Variants in PCCA observed in about 807,000 individuals in gnomAD.
PCCA encodes the protein propionyl-CoA carboxylase alpha chain, mitochondrial.
PCCA carries 74 observed loss-of-function variants against 101.3 expected under a neutral mutation model. The ratio of observed to expected loss-of-function variants is 0.73; its 90% confidence interval spans 0.61 to 0.89. PCCA has a LOEUF of 0.89. Among genes scored for constraint, PCCA ranks in the 40% least tolerant of loss-of-function variants. PCCA has a pLI of 0.00. For synonymous variants in PCCA, 294 were observed against 313.6 expected (o/e 0.94, Z 0.66); for missense variants, 891 against 907.0 (o/e 0.98, Z 0.23).
intron 9 of PCCA, among the ~76,000 whole-genome samples, chr13:100,259,613 G>A (rs533252976): frequency 1.3e-5 from 2 of 151,986 alleles, no homozygotes; most frequent in Admixed American, 6.6e-5. Flanking sequence ...GATTACAGGC[G>A]TGCACCACTG....
rs539200066 is a variant in PCCA, at chr13:100,461,104, T to C, written c.1899+11799T>C. 3.5e-4 allele frequency among the ~76,000 whole-genome samples: 54 copies of C among 152,340 alleles called. 1 individual carries two copies. The highest frequency in any genetic ancestry group is 1.0e-3 in the South Asian group (5 of 4,830). On this transcript the variant is annotated intron_variant, in intron 21 of 23. Transcript: ENST00000376285. ...AATATGACAGCAAGACACAAATAAC[T>C]GTTTCTAATAATATCAGATGGAGTT...
chr13:100,235,714 G>A (rs1042823915), intron 7 of PCCA, 128 bp from the exon 8 acceptor site: 5 of 713,726 alleles, frequency 7.0e-6, no homozygotes, highest in Non-Finnish European at 1.3e-5. Flanking sequence ...GAATGAAAAG[G>A]GTTAGAAGGT....
At chr13:100,527,167 AC>A (rs1411679836) in intron 22 of PCCA, 5 of 386,110 alleles carry the variant, frequency 1.3e-5, no homozygotes, top group Admixed American at 3.0e-5. Flanking sequence ...TTTAACGTGT[AC>A]GATTCGGTGG....
chr13:100,463,909 A>G (rs992455101), intron 21 of PCCA, among the ~76,000 whole-genome samples: 7 of 152,336 alleles, frequency 4.6e-5, no homozygotes, highest in African/African-American at 1.7e-4. Context: ...ATCCTAGGGT[A>G]TCACTAAGTT....
intron 2 of PCCA, among the ~76,000 whole-genome samples, chr13:100,109,691 GT>G (rs1198214162): frequency 6.6e-6 from 1 of 152,198 alleles, no homozygotes; most frequent in Non-Finnish European, 1.5e-5. Flanking sequence ...GTGGCTTCGA[GT>G]TTTATCACAT....
At chr13:100,337,080 A>G (rs1306168892) in intron 17 of PCCA, among the ~76,000 whole-genome samples, 1 of 152,134 alleles carries the variant, frequency 6.6e-6, no homozygotes, top group Non-Finnish European at 1.5e-5. Flanking sequence ...CACACTCGCT[A>G]AAAGGGGTAG....
chr13:100,255,096 C>G (rs2061992734), intron 8 of PCCA, among the ~76,000 whole-genome samples: 1 of 151,942 alleles, frequency 6.6e-6, no homozygotes, highest in African/African-American at 2.4e-5. Flanking sequence ...AAAAGCTAGT[C>G]TAACTTGCAT....
chr13:100,238,316 C>G (rs2060929497), intron 8 of PCCA, among the ~76,000 whole-genome samples: 1 of 152,180 alleles, frequency 6.6e-6, no homozygotes, highest in Non-Finnish European at 1.5e-5. Context: ...AACTAGTTCT[C>G]ATCACTTTGC....
intron 21 of PCCA, among the ~76,000 whole-genome samples, chr13:100,506,638 C>A (rs2086099794): frequency 6.6e-6 from 1 of 152,172 alleles, no homozygotes; most frequent in Admixed American, 6.6e-5. Context: ...CACATTAGAA[C>A]ACTTCCCAGG....
intron 19 of PCCA, among the ~76,000 whole-genome samples, chr13:100,391,740 T>G: frequency 6.6e-6 from 1 of 152,360 alleles, no homozygotes. Flanking sequence ...ATACTATTGA[T>G]CAACACGTTT....
chr13:100,329,452 A>G (rs2069208817), intron 16 of PCCA, among the ~76,000 whole-genome samples: 1 of 152,112 alleles, frequency 6.6e-6, no homozygotes, highest in Non-Finnish European at 1.5e-5. Context: ...AGTTGATAAC[A>G]ACCAATTGAG....
intron 22 of PCCA, among the ~76,000 whole-genome samples, chr13:100,525,686 A>G (rs1451078971): frequency 6.6e-6 from 1 of 152,120 alleles, no homozygotes; most frequent in Non-Finnish European, 1.5e-5. Flanking sequence ...ATGGGAGGGG[A>G]CGTGTGGTGG....
At chr13:100,110,088 G>A (rs139794592) in intron 2 of PCCA, among the ~76,000 whole-genome samples, 2,133 of 152,168 alleles carry the variant, frequency 0.014, 51 homozygotes, top group African/African-American at 0.049. Flanking sequence ...AGCTGAGATC[G>A]TACCACTGCA....
intron 19 of PCCA, among the ~76,000 whole-genome samples, chr13:100,404,387 T>A (rs2077547193): frequency 1.3e-5 from 2 of 152,150 alleles, no homozygotes; most frequent in Non-Finnish European, 2.9e-5. Context: ...GCTTGGAGGA[T>A]GCATCTGAGG....
chr13:100,448,898 T>C (rs1756759917), intron 20 of PCCA, among the ~76,000 whole-genome samples: 1 of 152,230 alleles, frequency 6.6e-6, no homozygotes, highest in Non-Finnish European at 1.5e-5. Flanking sequence ...TTTTAGACCA[T>C]GTTTATACCC....
intron 21 of PCCA, among the ~76,000 whole-genome samples, chr13:100,474,861 T>G (rs2083301930): frequency 1.3e-5 from 2 of 152,214 alleles, no homozygotes; most frequent in South Asian, 4.1e-4. Flanking sequence ...CTAAGGACTT[T>G]TGTAGCAATT....
At chr13:100,291,623 G>T (rs1452006143) in intron 12 of PCCA, among the ~76,000 whole-genome samples, 1 of 152,306 alleles carries the variant, frequency 6.6e-6, no homozygotes. Flanking sequence ...GGGGTTATCA[G>T]TACTAAGTTC....
intron 16 of PCCA, among the ~76,000 whole-genome samples, chr13:100,327,685 C>T (rs1595363481): frequency 6.6e-6 from 1 of 152,236 alleles, no homozygotes; most frequent in South Asian, 2.1e-4. Context: ...ATTGCCACCA[C>T]AGTGTGACAA....
intron 19 of PCCA, among the ~76,000 whole-genome samples, chr13:100,421,190 C>T (rs1426274491): frequency 6.6e-6 from 1 of 151,166 alleles, no homozygotes; most frequent in Non-Finnish European, 1.5e-5. Context: ...CAGCCTGGTC[C>T]ACAGAGTGAG....
Sources: gnomAD v4.1 joint callset for allele counts (sites outside exome capture counted in the v4.1 genomes callset) on GRCh38, gnomAD v4.1.1 for gene constraint, MANE v1.5 for transcripts, NCBI Gene and HGNC (gene_info 2026-07-23, HGNC 2026-07-21) for gene names.